Variants in IRAK3 observed in about 807,000 individuals in gnomAD.
The protein encoded by IRAK3 is interleukin 1 receptor associated kinase 3, also known as interleukin-1 receptor-associated kinase 3.
IRAK3 carries 57 observed loss-of-function variants against 56.6 expected under a neutral mutation model. That is an observed-to-expected ratio of 1.01 (90% CI 0.81 to 1.26). IRAK3 has a LOEUF of 1.26. Among genes scored for constraint, IRAK3 ranks in the 50% most tolerant of loss-of-function variants. The pLI, the probability that IRAK3 is intolerant of heterozygous loss-of-function variation, is 0.00. For synonymous variants in IRAK3, 258 were observed against 255.7 expected, an observed-to-expected ratio of 1.01 and a Z score of -0.09; for missense variants, 703 against 719.0, an observed-to-expected ratio of 0.98 and a Z score of 0.25.
rs1015050347 is a variant in IRAK3, at chr12:66,189,333, T to G, written c.34T>G (p.Ser12Ala). ...AGNCGARGAL[S>A]AHTLLFDLPP... ...GAACTGTGGGGCCCGCGGCGCGCTG[T>G]CGGCGCACACGCTGCTGTTCGACCT... Residue 12 changes from serine to alanine, a missense_variant, in exon 1 of 12, where the codon TCG becomes GCG. Physicochemically the swap from Ser to Ala is moderately conservative, Grantham distance 99 (BLOSUM62 1). Coordinates refer to ENST00000261233, the MANE Select transcript of IRAK3 (RefSeq NM_007199.3). The G allele has an allele frequency of 2.6e-6, 4 of 1,532,894 alleles. No homozygotes were observed. The African/African-American group carries it at 5.5e-5, about 21-fold the overall frequency. 95.0% of individuals were successfully genotyped at this position (1,532,894 alleles called of 1,614,324 possible).
chr12:66,213,557 A>G (rs1228245730), intron 5 of IRAK3, among the ~76,000 whole-genome samples: 2 of 152,176 alleles, frequency 1.3e-5, no homozygotes, highest in Non-Finnish European at 2.9e-5. Context: ...ATATTATCAT[A>G]TATTTGTCAA....
In IRAK3 at chr12:66,189,271, C is replaced by T. The variant is rs1370925741; in HGVS notation, c.-29C>T. 7 of 1,534,934 alleles carry T rather than the reference C, an allele frequency of 4.6e-6. No individual in the cohort carries two copies. In the Admixed American group the frequency reaches 1.4e-4, roughly 30 times the overall value. On this transcript the variant is annotated 5_prime_UTR_variant, in exon 1 of 12. Transcript: ENST00000261233. ...AGGCGTGCAGGGACCTGGACTCCGCCTCGTCCCCGGGGCTCGGGCAGCCGA... is the reference window on the plus strand; with the variant it reads ...AGGCGTGCAGGGACCTGGACTCCGCTTCGTCCCCGGGGCTCGGGCAGCCGA...
chr12:66,193,224 G>T (rs1308911823), intron 1 of IRAK3, among the ~76,000 whole-genome samples: 1 of 151,992 alleles, frequency 6.6e-6, no homozygotes, highest in African/African-American at 2.4e-5. Context: ...TGTTGGTCAG[G>T]CTGGTCTCGA....
Position 66,197,925 on chromosome 12 carries a change from A to G in IRAK3, c.134-5786A>G, listed in dbSNP as rs554999454. On this transcript the variant is annotated intron_variant, in intron 1 of 11. Transcript: ENST00000261233. ...GAAATTCAGGAATCAAAAAAAAAACAAACAGAGAATGGAATTTATGGAAAG... is the reference window on the plus strand; with the variant it reads ...GAAATTCAGGAATCAAAAAAAAAACGAACAGAGAATGGAATTTATGGAAAG... The G allele has an allele frequency of 1.8e-4, 175 of 984,616 alleles. No individual in the cohort carries two copies. In the African/African-American group the frequency reaches 3.0e-3, roughly 17 times the overall value. 61.0% of individuals were successfully genotyped at this position (984,616 alleles called of 1,614,324 possible). A position where few individuals can be genotyped will look rare whatever the true frequency, so the allele number is the denominator to read the frequency against.
chr12:66,220,121 C>A (rs1483126170), intron 6 of IRAK3, among the ~76,000 whole-genome samples: 3 of 152,120 alleles, frequency 2.0e-5, no homozygotes, highest in South Asian at 2.1e-4. Flanking sequence ...AAAATCATTG[C>A]CAAGACCAAT....
Position 66,211,601 on chromosome 12 carries a change from T to C in IRAK3, c.588+4T>C, listed in dbSNP as rs2052613041. 6.2e-7 allele frequency: 1 copy of C among 1,605,598 alleles called. No individual in the cohort carries two copies. Among genetic ancestry groups the C allele is most frequent in the African/African-American group, 1.3e-5 (1 of 74,768 alleles). Reference sequence around the variant, plus strand: ...TGCTGTCAAATTATTTAAACAGGTATGGAAAGAATTACTGTCACAGGACAT... The same window carrying C: ...TGCTGTCAAATTATTTAAACAGGTACGGAAAGAATTACTGTCACAGGACAT... On this transcript the variant is annotated splice_donor_region_variant and intron_variant, in intron 5 of 11. Transcript: ENST00000261233.
intron 8 of IRAK3, among the ~76,000 whole-genome samples, chr12:66,231,892 A>G (rs2052848249): frequency 6.6e-6 from 1 of 152,224 alleles, no homozygotes; most frequent in Non-Finnish European, 1.5e-5. Context: ...CTCTAGTGAA[A>G]GTCTGCAGCT....
chr12:66,189,570 C>T, intron 1 of IRAK3, 138 bp downstream of exon 1: 1 of 439,206 alleles, frequency 2.3e-6, no homozygotes, highest in Non-Finnish European at 3.2e-6. Flanking sequence ...GAGCCGGCCC[C>T]CTCCTTTCCT....
chr12:66,224,973 T>G (rs935941063), intron 6 of IRAK3, among the ~76,000 whole-genome samples: 2 of 152,164 alleles, frequency 1.3e-5, no homozygotes, highest in African/African-American at 4.8e-5. Context: ...GTGGCATGGG[T>G]CCATAGGTAC....
intron 1 of IRAK3, among the ~76,000 whole-genome samples, chr12:66,198,505 A>G (rs1022696676): frequency 6.6e-6 from 1 of 152,164 alleles, no homozygotes; most frequent in African/African-American, 2.4e-5. Context: ...GCTAGGTGGT[A>G]TTTGGTTACC....
Position 66,245,217 on chromosome 12 carries a change from C to T in IRAK3, c.1269C>T (p.Gly423=), listed in dbSNP as rs545369445. 6.2e-7 allele frequency: 1 copy of T among 1,614,136 alleles called. No individual in the cohort carries two copies. The highest frequency in any genetic ancestry group is 2.2e-5 in the East Asian group (1 of 44,864). ...CTGCCAAGCTCTTCTGTTTGGCAGG[C>T]CGGTGTGCTGCAACGCGGGCAAAGT... ...NFSAKLFCLA[G]RCAATRAKLR... is the part of the protein sequence containing the mutation. Residue 423 remains glycine, a synonymous_variant, in exon 11 of 12, where the codon GGC becomes GGT. Coordinates refer to ENST00000261233, the MANE Select transcript of IRAK3 (RefSeq NM_007199.3).
At chr12:66,219,553 G>A (rs559205382) in intron 6 of IRAK3, among the ~76,000 whole-genome samples, 5 of 152,330 alleles carry the variant, frequency 3.3e-5, no homozygotes, top group Non-Finnish European at 7.3e-5. Flanking sequence ...TTTATCAGCA[G>A]CATGAAAATG....
chr12:66,224,014 T>C (rs943581872), intron 6 of IRAK3, among the ~76,000 whole-genome samples: 2 of 152,160 alleles, frequency 1.3e-5, no homozygotes, highest in East Asian at 3.9e-4. Flanking sequence ...TTTCAAAAAT[T>C]CTATCGGCAT....
chr12:66,209,639 A>C, intron 3 of IRAK3, 119 bp downstream of exon 3: 3 of 733,298 alleles, frequency 4.1e-6, no homozygotes, highest in Non-Finnish European at 7.5e-6. Context: ...TAAAAATCAG[A>C]AATGCCTTTG....
chr12:66,209,399 A>G (rs542533844), intron 2 of IRAK3, 57 bp from the exon 3 acceptor site: 14 of 995,594 alleles, frequency 1.4e-5, no homozygotes, highest in South Asian at 1.3e-4. Context: ...CTCAGAAAGG[A>G]AAAACATTAG....
chr12:66,209,475 A>G lies in IRAK3; in HGVS notation c.336A>G (p.Ser112=). 6.2e-7 allele frequency: 1 copy of G among 1,606,840 alleles called. No homozygotes were observed. The highest frequency in any genetic ancestry group is 8.5e-7 in the Non-Finnish European group (1 of 1,173,630). ...ITNYGAVLSP[S]EKSYQEGGFP... ...TTTCAGGAGCAGTGTTGAGTCCTTC[A>G]GAGAAGAGTTATCAGGAAGGTGGAT... is the stretch of plus-strand genomic sequence containing the variant. The change falls in exon 3 of 12, where the codon TCA becomes TCG. Residue 112 remains serine (S), a synonymous_variant. Transcript: ENST00000261233.
At chr12:66,214,808 A>G (rs931160616) in intron 5 of IRAK3, among the ~76,000 whole-genome samples, 2 of 152,200 alleles carry the variant, frequency 1.3e-5, no homozygotes, top group African/African-American at 4.8e-5. Context: ...GGTGGTTCAC[A>G]TGTGTAGCCA....
intron 8 of IRAK3, among the ~76,000 whole-genome samples, chr12:66,240,482 T>G (rs928627212): frequency 3.9e-5 from 6 of 152,160 alleles, no homozygotes; most frequent in Non-Finnish European, 7.4e-5. Flanking sequence ...CCAGGCAGGA[T>G]GCAGTGCACA....
At chr12:66,221,746 A>T (rs1315103222) in intron 6 of IRAK3, among the ~76,000 whole-genome samples, 1 of 152,096 alleles carries the variant, frequency 6.6e-6, no homozygotes, top group Admixed American at 6.6e-5. Flanking sequence ...TGTTCTGTTG[A>T]AGACTGGGCA....
Sources: gnomAD v4.1 joint callset for allele counts (sites outside exome capture counted in the v4.1 genomes callset) on GRCh38, gnomAD v4.1.1 for gene constraint, MANE v1.5 for transcripts, NCBI Gene and HGNC (gene_info 2026-07-23, HGNC 2026-07-21) for gene names.